The following RBM44 variants were observed in gnomAD, a reference collection of about 807,000 sequenced individuals.
RBM44 encodes the protein RNA binding motif protein 44, also known as RNA-binding protein 44.
RBM44 carries 66 observed loss-of-function variants against 105.1 expected under a neutral mutation model. The observed-to-expected ratio is 0.63, with a 90% confidence interval of 0.52 to 0.77. The LOEUF (loss-of-function observed/expected upper bound fraction) is 0.77, where lower values mean the gene tolerates loss of function less well. Among genes scored for constraint, RBM44 ranks in the 30% least tolerant of loss-of-function variants. RBM44 has a pLI of 0.00. For missense variants in RBM44, 1,122 were observed against 1,207.8 expected, an observed-to-expected ratio of 0.93 and a Z score of 1.05; for synonymous variants, 365 against 417.6, an observed-to-expected ratio of 0.87 and a Z score of 1.54.
rs770233606 is a variant in RBM44 at position 237,824,388 on chromosome 2, A to T, written c.2418A>T (p.Glu806Asp). ...CAGGGACACAGGGAAATCAAGTAGA[A>T]CAAGACACATGGAATTTGGATCTTA... Reference protein sequence around the residue: ...DVSGTQGNQVEQDTWNLDLTG... With the variant: ...DVSGTQGNQVDQDTWNLDLTG... Residue 806 changes from glutamate to aspartate, a missense_variant, in exon 10 of 16, where the codon GAA (glutamate) becomes GAT (aspartate). Around this residue, in one of 3 missense-constraint regions of RBM44, gnomAD observed 918 missense variants for 955.3 expected, o/e 0.96. Coordinates refer to ENST00000316997, the MANE Select transcript of RBM44 (RefSeq NM_001080504.3). 1.9e-6 allele frequency: 3 copies of T among 1,612,832 alleles called. No homozygotes were observed. Among genetic ancestry groups the T allele is most frequent in the East Asian group, 4.5e-5 (2 of 44,844 alleles).
chr2:237,834,276 A>T lies in RBM44; in HGVS notation c.3033-2A>T. 1 of 1,567,040 alleles carries T rather than the reference A, an allele frequency of 6.4e-7. No individual in the cohort carries two copies. Among genetic ancestry groups the T allele is most frequent in the Non-Finnish European group, 8.6e-7 (1 of 1,158,176 alleles). ...ACTCATGTATGTTTTCCTTTTTCAT[A>T]GAGACCATATTATAAATGCACTTCA... is the stretch of plus-strand genomic sequence containing the variant. On this transcript the variant is annotated splice_acceptor_variant, in intron 14 of 15. Transcript: ENST00000316997. LOFTEE classifies it high-confidence loss of function.
At chr2:237,825,616 C>A (rs1341345388) in intron 10 of RBM44, among the ~76,000 whole-genome samples, 1 of 152,204 alleles carries the variant, frequency 6.6e-6, no homozygotes, top group African/African-American at 2.4e-5. Context: ...GCCTTCCCAT[C>A]CTCTCATTAG....
rs184426258 is a variant in RBM44 at position 237,809,094 on chromosome 2, A to C, written c.-18-4498A>C. Among the ~76,000 whole-genome samples the C allele has an allele frequency of 7.0e-4, 106 of 152,328 alleles. 1 individual carries two copies. The highest frequency in any genetic ancestry group is 2.5e-3 in the African/African-American group (102 of 41,578). ...ACCCTTAATAACACAATGTATGATC[A>C]GCCCCTACCAATTTGATAATCAAGA... On this transcript the variant is annotated intron_variant, in intron 1 of 15. Coordinates refer to ENST00000316997, the MANE Select transcript of RBM44 (RefSeq NM_001080504.3).
intron 15 of RBM44, among the ~76,000 whole-genome samples, chr2:237,835,372 T>G (rs1319791749): frequency 6.6e-6 from 1 of 152,068 alleles, no homozygotes; most frequent in Non-Finnish European, 1.5e-5. Context: ...AGAGCTCACT[T>G]TAAGTCGAAA....
At chr2:237,835,935 T>C (rs960688658) in intron 15 of RBM44, among the ~76,000 whole-genome samples, 9 of 152,060 alleles carry the variant, frequency 5.9e-5, no homozygotes, top group Admixed American at 5.2e-4. Flanking sequence ...AAAAGTGCAA[T>C]GTGAAGCAGC....
rs1022411069 is a variant in RBM44, at chr2:237,803,094, C to T, written c.-19+4233C>T. The stretch of plus-strand genomic sequence containing the variant: ...CCAACCTGGCCAACATGGTGAAACC[C>T]CATCTGTACTAAAAATACAAAAATT... On this transcript the variant is annotated intron_variant, in intron 1 of 15. Transcript: ENST00000316997. This position sits in a 1 kb window ranked among gnomAD's most constrained non-coding sequence, Gnocchi z 4.2. Among the ~76,000 whole-genome samples, 1 of 152,120 alleles carries T rather than the reference C, an allele frequency of 6.6e-6. No homozygotes were observed. Among genetic ancestry groups the T allele is most frequent in the African/African-American group, 2.4e-5 (1 of 41,404 alleles).
chr2:237,818,357 A>G lies in RBM44; in HGVS notation c.1438A>G (p.Thr480Ala). 6.2e-7 allele frequency: 1 copy of G among 1,613,268 alleles called. No homozygotes were observed. The highest frequency in any genetic ancestry group is 8.5e-7 in the Non-Finnish European group (1 of 1,179,508). Reference sequence around the variant, plus strand: ...CACTGATTTTAGGGCTTGTTTCACAACCAGCAGGGCAACAAGTGCAAGACC... The same window carrying G: ...CACTGATTTTAGGGCTTGTTTCACAGCCAGCAGGGCAACAAGTGCAAGACC... ...VSTDFRACFT[T>A]SRATSARPSV... is the part of the protein sequence containing the mutation. Residue 480 changes from threonine to alanine, a missense_variant, in exon 3 of 16, where the codon ACC (threonine) becomes GCC (alanine). By Grantham distance (58) the Thr-to-Ala change is moderately conservative (BLOSUM62 0). Coordinates refer to ENST00000316997, the MANE Select transcript of RBM44 (RefSeq NM_001080504.3). This position sits in a 1 kb window ranked among gnomAD's most constrained non-coding sequence, Gnocchi z 4.6.
At chr2:237,833,965 A>AT in intron 13 of RBM44, 32 bp from the exon 14 acceptor site, 1 of 1,385,676 alleles carries the variant, frequency 7.2e-7, no homozygotes, top group Non-Finnish European at 9.7e-7. Flanking sequence ...GTCCTTACTG[A>AT]TTTTAAGAAA....
rs748584084 is a variant in RBM44, at chr2:237,818,873, T to A, written c.1678-28T>A. The A allele has an allele frequency of 3.1e-5, 39 of 1,251,192 alleles. No individual in the cohort carries two copies. Among genetic ancestry groups the A allele is most frequent in the South Asian group, 1.8e-4 (13 of 70,906 alleles). The allele number at this position is 1,251,192 out of a possible 1,614,324, so 77.5% of individuals were successfully genotyped here. On this transcript the variant is annotated intron_variant, in intron 3 of 15. Coordinates refer to ENST00000316997, the MANE Select transcript of RBM44 (RefSeq NM_001080504.3). The surrounding 1 kb of genome is among the most constrained non-coding windows in gnomAD (Gnocchi z 4.6). ...TTTGGAATTTCAGATATAACTTTTT[T>A]AAATTTAATTTTAAATCATATTTTC...
intron 15 of RBM44, among the ~76,000 whole-genome samples, chr2:237,837,439 TA>T (rs904678730): frequency 1.2e-4 from 18 of 152,128 alleles, no homozygotes; most frequent in African/African-American, 3.9e-4. Flanking sequence ...TGAGAGGAGG[TA>T]AAAATATCAA....
chr2:237,818,606 A>G lies in RBM44; in HGVS notation c.1677+10A>G, dbSNP rs1176642780. 7 of 1,460,048 alleles carry G rather than the reference A, an allele frequency of 4.8e-6. No homozygotes were observed. The African/African-American group carries it at 5.7e-5, about 12-fold the overall frequency. The allele number at this position is 1,460,048 out of a possible 1,614,324, so 90.4% of individuals were successfully genotyped here. On this transcript the variant is annotated intron_variant, in intron 3 of 15. Coordinates refer to ENST00000316997, the MANE Select transcript of RBM44 (RefSeq NM_001080504.3). This position sits in a 1 kb window ranked among gnomAD's most constrained non-coding sequence, Gnocchi z 4.6. Reference sequence around the variant, plus strand: ...AAATTTTCTAAATAAGGTAAAATCAATATGAGTAATAATAAAATTTGGACT... The same window carrying G: ...AAATTTTCTAAATAAGGTAAAATCAGTATGAGTAATAATAAAATTTGGACT...
intron 10 of RBM44, among the ~76,000 whole-genome samples, chr2:237,826,827 T>C (rs1415768949): frequency 6.6e-6 from 1 of 152,120 alleles, no homozygotes; most frequent in Admixed American, 6.6e-5. Flanking sequence ...ATAACTAATC[T>C]AGAGATGATT....
intron 1 of RBM44, among the ~76,000 whole-genome samples, chr2:237,813,191 G>A (rs568056375): frequency 2.2e-4 from 33 of 152,136 alleles, no homozygotes; most frequent in Non-Finnish European, 3.8e-4. Flanking sequence ...TGCTTTGGAC[G>A]TTTTACTTAA....
At position 237,833,190 on chromosome 2, in the gene RBM44, TAAG is replaced by T. The variant is rs2061919903; in HGVS notation, c.2887-806_2887-804del. ...CAAAAGAGACAAAAATCTGTACTCT[TAAG>T]GAGCTAAAATCTAGTGAGGGAGATA... On this transcript the variant is annotated intron_variant, in intron 13 of 15. Coordinates refer to ENST00000316997, the MANE Select transcript of RBM44 (RefSeq NM_001080504.3). Among the ~76,000 whole-genome samples, 3 of 152,306 alleles carry T rather than the reference TAAG, an allele frequency of 2.0e-5. 1 individual carries two copies. In the South Asian group the frequency reaches 6.2e-4, roughly 32 times the overall value.
chr2:237,819,153 TCA>T (rs1403613503), intron 4 of RBM44, among the ~76,000 whole-genome samples, 194 bp downstream of exon 4: 2 of 152,084 alleles, frequency 1.3e-5, no homozygotes, highest in Non-Finnish European at 2.9e-5. Context: ...TATTGAGATT[TCA>T]GTCTCAATTT....
intron 15 of RBM44, among the ~76,000 whole-genome samples, chr2:237,836,734 T>G (rs2150991278): frequency 6.7e-6 from 1 of 148,478 alleles, no homozygotes; most frequent in South Asian, 2.1e-4. Flanking sequence ...GAGCTGAGAT[T>G]GCGCCACTGC....
intron 2 of RBM44, among the ~76,000 whole-genome samples, chr2:237,816,230 A>C (rs917856144): frequency 2.6e-5 from 4 of 152,064 alleles, no homozygotes; most frequent in Non-Finnish European, 5.9e-5. Flanking sequence ...CTCCATCAAC[A>C]CAACTCTGTC....
rs1161261915 is a variant in RBM44 at position 237,829,309 on chromosome 2, T to C, written c.2693T>C (p.Val898Ala). ...GIEINGKSVN[V>A]WPVKILGEYT... ...GAAATAAATGGAAAGTCAGTAAATG[T>C]GTGGCCTGTTAAAATTCTTGGAGAA... Residue 898 changes from valine to alanine, a missense_variant, in exon 13 of 16, where the codon GTG becomes GCG. Around this residue, in one of 3 missense-constraint regions of RBM44, gnomAD observed 194 missense variants for 225.5 expected, o/e 0.86. Transcript: ENST00000316997. 1.2e-6 allele frequency: 2 copies of C among 1,613,232 alleles called. No homozygotes were observed. Among genetic ancestry groups the C allele is most frequent in the African/African-American group, 2.7e-5 (2 of 74,900 alleles).
chr2:237,805,285 A>T (rs1041757513), intron 1 of RBM44, among the ~76,000 whole-genome samples: 4 of 152,236 alleles, frequency 2.6e-5, no homozygotes, highest in Non-Finnish European at 5.9e-5. Context: ...CTTACCAGGG[A>T]GGTGAAAGAT....
Sources: gnomAD v4.1 joint callset for allele counts (sites outside exome capture counted in the v4.1 genomes callset) on GRCh38, gnomAD v4.1.1 for gene constraint, gnomAD v4.1.1 regional missense constraint, Gnocchi (gnomAD v3.1) non-coding constraint, MANE v1.5 for transcripts, NCBI Gene and HGNC (gene_info 2026-07-23, HGNC 2026-07-21) for gene names.